The following PCDHA2 variants were observed in gnomAD, a reference collection of about 807,000 sequenced individuals.
PCDHA2 encodes the protein protocadherin alpha-2.
A neutral mutation model predicts 66.0 loss-of-function variants in PCDHA2; 58 were observed. The ratio of observed to expected loss-of-function variants is 0.88; its 90% CI spans 0.71 to 1.09. PCDHA2 has a LOEUF of 1.09. PCDHA2 is among the 50% of genes least tolerant of loss of function. PCDHA2 has a pLI of 0.00. For synonymous variants in PCDHA2, 634 were observed against 554.0 expected (o/e 1.14, Z -2.03); for missense variants, 1,267 against 1,242.3 (o/e 1.02, Z -0.30).
intron 1 of PCDHA2, chr5:140,808,194 T>A: frequency 6.2e-7 from 1 of 1,614,158 alleles, no homozygotes. Flanking sequence ...CATTGTAGAG[T>A]TATTGTGGAA....
Position 140,884,200 on chromosome 5 carries a change from C to T in PCDHA2, c.2388+86848C>T, listed in dbSNP as rs2060048327. 2.5e-6 allele frequency: 4 copies of T among 1,613,458 alleles called. No individual in the cohort carries two copies. The Admixed American group carries it at 5.0e-5, about 20-fold the overall frequency. Reference sequence around the variant, plus strand: ...CTCTGGACGAGGTGGACGCGCCGCACCACCGCCTTCTGGTGCTGGTGAAGG... The same window carrying T: ...CTCTGGACGAGGTGGACGCGCCGCATCACCGCCTTCTGGTGCTGGTGAAGG... On this transcript the variant is annotated intron_variant, in intron 1 of 3. Transcript: ENST00000526136.
chr5:140,961,887 GTTT>G (rs35680913), intron 1 of PCDHA2, among the ~76,000 whole-genome samples: 1 of 143,934 alleles, frequency 6.9e-6, no homozygotes. Context: ...ACTTACATCA[GTTT>G]TTTTTTTTTT....
At chr5:140,801,179 T>C (rs782622676) in intron 1 of PCDHA2, 1 of 1,571,716 alleles carries the variant, frequency 6.4e-7, no homozygotes, top group Non-Finnish European at 8.6e-7. Flanking sequence ...GGCAATCTAA[T>C]ATTTGGAAAA....
intron 3 of PCDHA2, among the ~76,000 whole-genome samples, chr5:140,986,896 A>G (rs1221599593): frequency 2.6e-5 from 4 of 152,184 alleles, no homozygotes; most frequent in African/African-American, 4.8e-5. Context: ...CTTAGGCCCT[A>G]TCCTAGACTA....
At chr5:140,865,343 A>T (rs1386264377) in intron 1 of PCDHA2, 1 of 152,216 alleles carries the variant, frequency 6.6e-6, no homozygotes, top group Non-Finnish European at 1.5e-5. Flanking sequence ...AAGAAATAGT[A>T]TATTTACATA....
chr5:140,882,170 C>G, intron 1 of PCDHA2: 1 of 1,513,564 alleles, frequency 6.6e-7, no homozygotes, highest in Non-Finnish European at 8.8e-7. Flanking sequence ...CTTGCGAATC[C>G]TTCCGCACTA....
Position 140,855,272 on chromosome 5 carries a change from A to G in PCDHA2, c.2388+57920A>G, listed in dbSNP as rs527268244. Among the ~76,000 whole-genome samples the G allele has an allele frequency of 6.0e-5, 9 of 149,830 alleles. 1 individual carries two copies. In the South Asian group the frequency reaches 1.7e-3, roughly 28 times the overall value. ...CACTTACTATATTATAATTCACTCA[A>G]CCACCGTATTACTATTAGGCCAAAG... On this transcript the variant is annotated intron_variant, in intron 1 of 3. Transcript: ENST00000526136.
chr5:140,820,462 C>T (rs1766763072), intron 1 of PCDHA2, among the ~76,000 whole-genome samples: 1 of 151,950 alleles, frequency 6.6e-6, no homozygotes, highest in Non-Finnish European at 1.5e-5. Flanking sequence ...CTTGTCTTCA[C>T]AGGTAAGGGA....
At chr5:140,888,315 C>A (rs2061784289) in intron 1 of PCDHA2, among the ~76,000 whole-genome samples, 1 of 152,084 alleles carries the variant, frequency 6.6e-6, no homozygotes, top group Non-Finnish European at 1.5e-5. Flanking sequence ...TTGGCAATGC[C>A]TGGATACATT....
intron 1 of PCDHA2, chr5:140,828,283 C>T: frequency 1.2e-6 from 2 of 1,614,118 alleles, no homozygotes; most frequent in Non-Finnish European, 8.5e-7. Context: ...CGCGCCTGTT[C>T]AGGATGGCCT....
intron 1 of PCDHA2, chr5:140,858,330 G>A: frequency 6.3e-7 from 1 of 1,596,082 alleles, no homozygotes. Context: ...TCTGGGGAGG[G>A]CCTGCCCAAG....
In PCDHA2 at chr5:140,796,900, C is replaced by A. The variant is rs1482463175; in HGVS notation, c.1936C>A (p.Arg646Ser). 2 of 1,613,808 alleles carry A rather than the reference C, an allele frequency of 1.2e-6. No individual in the cohort carries two copies. Among genetic ancestry groups the A allele is most frequent in the African/African-American group, 2.7e-5 (2 of 74,940 alleles). The change falls in exon 1 of 4, where the codon CGC becomes AGC. Residue 646 changes from arginine to serine, a missense_variant. By Grantham distance (110) the Arg-to-Ser change is moderately radical. Transcript: ENST00000526136. Reference sequence around the variant, plus strand: ...AGACGAGGCTGACTCCCCTCGACACCGCCTACTCGTGCTGGTGAAGGACCA... The same window carrying A: ...AGACGAGGCTGACTCCCCTCGACACAGCCTACTCGTGCTGGTGAAGGACCA... ...ALDEADSPRHRLLVLVKDHGE... is the reference protein window; with the variant it reads ...ALDEADSPRHSLLVLVKDHGE...
At chr5:140,870,920 T>G (rs782215482) in intron 1 of PCDHA2, 20 of 1,613,814 alleles carry the variant, frequency 1.2e-5, no homozygotes, top group Non-Finnish European at 3.4e-6. Flanking sequence ...AACGCGTGGC[T>G]TTCATATGAA....
chr5:140,914,957 T>C (rs1355119889), intron 1 of PCDHA2, among the ~76,000 whole-genome samples: 1 of 150,770 alleles, frequency 6.6e-6, no homozygotes, highest in Non-Finnish European at 1.5e-5. Flanking sequence ...TTTTTTTTTT[T>C]TTTTTCTGAG....
chr5:140,918,895 A>G (rs1319042193), intron 1 of PCDHA2, among the ~76,000 whole-genome samples: 2 of 152,206 alleles, frequency 1.3e-5, no homozygotes, highest in East Asian at 3.9e-4. Flanking sequence ...TGAAAAATAA[A>G]TCTCTCTTGT....
chr5:140,875,832 C>T, intron 1 of PCDHA2: 1 of 1,614,086 alleles, frequency 6.2e-7, no homozygotes, highest in Middle Eastern at 1.6e-4. Flanking sequence ...TCCATGTGGA[C>T]GTGGAGGTGA....
chr5:140,871,673 C>T (rs980419228), intron 1 of PCDHA2: 1 of 1,142,814 alleles, frequency 8.8e-7, no homozygotes, highest in East Asian at 2.6e-5. Flanking sequence ...GTCTTTTAAT[C>T]ATATGAATAA....
intron 1 of PCDHA2, chr5:140,877,328 A>G (rs782817195): frequency 1.2e-6 from 2 of 1,613,980 alleles, no homozygotes; most frequent in Non-Finnish European, 1.7e-6. Context: ...GTCGGCGCGC[A>G]CATCCCGTTC....
intron 1 of PCDHA2, among the ~76,000 whole-genome samples, chr5:140,913,656 T>A (rs2076420236): frequency 6.6e-6 from 1 of 152,152 alleles, no homozygotes; most frequent in African/African-American, 2.4e-5. Context: ...TTCTTTAAGA[T>A]GTATAGTTAG....
Sources: gnomAD v4.1 joint callset for allele counts (sites outside exome capture counted in the v4.1 genomes callset) on GRCh38, gnomAD v4.1.1 for gene constraint, MANE v1.5 for transcripts, NCBI Gene and HGNC (gene_info 2026-07-23, HGNC 2026-07-21) for gene names.